Variants in DIAPH3 observed in about 807,000 individuals in gnomAD.
DIAPH3 encodes the protein protein diaphanous homolog 3.
Under a neutral mutation model 144.3 loss-of-function variants are expected in DIAPH3, and 117 were observed. That is an observed-to-expected ratio of 0.81 (90% CI 0.70 to 0.95). The LOEUF is 0.95. Among genes scored for constraint, DIAPH3 ranks in the 40% least tolerant of loss-of-function variants. DIAPH3 has a pLI of 0.00. For synonymous variants in DIAPH3, 519 were observed against 488.9 expected (o/e 1.06, Z -0.81); for missense variants, 1,421 against 1,412.7 (o/e 1.01, Z -0.09).
At chr13:59,976,489 A>G (rs925280642) in intron 14 of DIAPH3, among the ~76,000 whole-genome samples, 20 of 151,994 alleles carry the variant, frequency 1.3e-4, no homozygotes, top group Non-Finnish European at 2.6e-4. Flanking sequence ...TATAGATTAT[A>G]AAACATTTCC....
chr13:59,839,497 T>C, intron 22 of DIAPH3, 49 bp from the exon 23 acceptor site: 1 of 1,583,310 alleles, frequency 6.3e-7, no homozygotes, highest in Non-Finnish European at 8.6e-7. Context: ...TTATAATATA[T>C]AAAAGGTAAG....
At chr13:60,097,345 A>T (rs962376826) in intron 3 of DIAPH3, among the ~76,000 whole-genome samples, 9 of 152,108 alleles carry the variant, frequency 5.9e-5, no homozygotes, top group African/African-American at 1.2e-4. Flanking sequence ...GGGGCGATTG[A>T]GTTCTTGCCC....
At chr13:59,902,268 G>T (rs776093005) in intron 20 of DIAPH3, among the ~76,000 whole-genome samples, 1 of 152,064 alleles carries the variant, frequency 6.6e-6, no homozygotes, top group Non-Finnish European at 1.5e-5. Flanking sequence ...TCCCCCTTTG[G>T]TGCTGTTCTT....
intron 18 of DIAPH3, among the ~76,000 whole-genome samples, chr13:59,918,944 C>CAAAAAAAAAAAAAAA (rs34985752): frequency 8.5e-6 from 1 of 117,504 alleles, no homozygotes. Flanking sequence ...CAAGAAAATA[C>CAAAAAAAAAAAAAAA]AAAAAAAAAA....
At position 60,072,358 on chromosome 13, in the gene DIAPH3, T is replaced by C. The variant is rs967337392; in HGVS notation, c.495+21270A>G. On this transcript the variant is annotated intron_variant, in intron 4 of 27. Coordinates refer to ENST00000400324, the MANE Select transcript of DIAPH3 (RefSeq NM_001042517.2). ...ACCCACTTAACAGACATTTTCACTA[T>C]CACTCCATCTTTTCTCTCTTCTTGC... 3.9e-5 allele frequency among the ~76,000 whole-genome samples: 6 copies of C among 152,204 alleles called. No homozygotes were observed. The East Asian group carries it at 9.6e-4, about 24-fold the overall frequency.
intron 5 of DIAPH3, among the ~76,000 whole-genome samples, chr13:60,016,506 G>A (rs1216910886): frequency 6.6e-6 from 1 of 152,126 alleles, no homozygotes. Flanking sequence ...ACCCAGAGCT[G>A]GCTCTAAACA....
intron 4 of DIAPH3, among the ~76,000 whole-genome samples, chr13:60,060,320 G>C (rs1397274230): frequency 6.6e-6 from 1 of 152,026 alleles, no homozygotes; most frequent in Non-Finnish European, 1.5e-5. Flanking sequence ...ATCCATTATG[G>C]GAGTTTGGTC....
intron 4 of DIAPH3, among the ~76,000 whole-genome samples, chr13:60,073,176 G>A (rs2057272161): frequency 6.6e-6 from 1 of 152,036 alleles, no homozygotes; most frequent in Admixed American, 6.6e-5. Context: ...GGGCGTGGTG[G>A]CAGGTGCCTG....
chr13:59,958,566 A>G (rs1269766738), intron 17 of DIAPH3, among the ~76,000 whole-genome samples: 2 of 152,106 alleles, frequency 1.3e-5, no homozygotes, highest in Admixed American at 6.5e-5. Flanking sequence ...CTTTAGGTTT[A>G]TAGAAAGTAT....
chr13:59,703,265 A>T (rs2034219906), intron 27 of DIAPH3, among the ~76,000 whole-genome samples: 1 of 152,216 alleles, frequency 6.6e-6, no homozygotes, highest in Non-Finnish European at 1.5e-5. Flanking sequence ...TCTGATTAAA[A>T]TTTTCATATT....
rs548298260 is a variant in DIAPH3, at chr13:60,000,437, A to C, written c.1015-7854T>G. ...CCACAATAGGAAAAAAAAAAACCTA[A>C]AGCAAACAATGGCTATGTATTTCAA... On this transcript the variant is annotated intron_variant, in intron 9 of 27. Coordinates refer to ENST00000400324, the MANE Select transcript of DIAPH3 (RefSeq NM_001042517.2). Among the ~76,000 whole-genome samples, 206 of 152,228 alleles carry C rather than the reference A, an allele frequency of 1.4e-3. 1 individual carries two copies. The highest frequency in any genetic ancestry group is 4.3e-3 in the African/African-American group (178 of 41,560).
intron 5 of DIAPH3, among the ~76,000 whole-genome samples, chr13:60,021,609 A>C (rs533293499): frequency 6.7e-6 from 1 of 150,170 alleles, no homozygotes; most frequent in African/African-American, 2.5e-5. Context: ...CCAGACAACA[A>C]GTGCAAGATG....
chr13:60,022,065 T>C (rs1227233377), intron 5 of DIAPH3, among the ~76,000 whole-genome samples: 1 of 152,360 alleles, frequency 6.6e-6, no homozygotes, highest in African/African-American at 2.4e-5. Context: ...AGTACATTGC[T>C]AGTACATAGA....
intron 4 of DIAPH3, among the ~76,000 whole-genome samples, chr13:60,089,544 A>G (rs1311017099): frequency 1.3e-5 from 2 of 152,200 alleles, no homozygotes; most frequent in African/African-American, 4.8e-5. Context: ...GTTCTGGTCC[A>G]GAATTTTCTT....
intron 27 of DIAPH3, among the ~76,000 whole-genome samples, chr13:59,717,853 C>CA (rs201395786): frequency 0.036 from 5,332 of 147,184 alleles, 126 homozygotes; most frequent in Non-Finnish European, 0.044. Context: ...CCAAACCAAA[C>CA]AAAAAAAAAC....
intron 17 of DIAPH3, among the ~76,000 whole-genome samples, chr13:59,944,072 G>C (rs1182094569): frequency 5.3e-5 from 8 of 151,856 alleles, no homozygotes; most frequent in African/African-American, 1.7e-4. Context: ...AAATTAGCTG[G>C]GCATACTAAC....
At chr13:59,953,618 T>G (rs1282603131) in intron 17 of DIAPH3, among the ~76,000 whole-genome samples, 1 of 151,996 alleles carries the variant, frequency 6.6e-6, no homozygotes, top group East Asian at 1.9e-4. Flanking sequence ...GGCAATGAAA[T>G]GCAAAGCCAA....
chr13:60,075,891 C>A (rs566999047), intron 4 of DIAPH3, among the ~76,000 whole-genome samples: 5 of 152,340 alleles, frequency 3.3e-5, no homozygotes, highest in Middle Eastern at 3.4e-3. Context: ...CCGTATCTTC[C>A]ATGGAATGCA....
In DIAPH3 at chr13:59,974,562, C is replaced by A. The variant is rs956454269; in HGVS notation, c.1546-106G>T. On this transcript the variant is annotated intron_variant, in intron 14 of 27. Coordinates refer to ENST00000400324, the MANE Select transcript of DIAPH3 (RefSeq NM_001042517.2). ...ATGATCTGCCGGTAGAACACAAATT[C>A]CTGAATTGGTTTTATGAAAGGAGTG... is the stretch of plus-strand genomic sequence containing the variant. 8.1e-6 allele frequency: 8 copies of A among 988,482 alleles called. No individual in the cohort carries two copies. The African/African-American group carries it at 8.2e-5, about 10-fold the overall frequency. The allele number at this position is 988,482 out of a possible 1,614,324, so 61.2% of individuals were successfully genotyped here. A position where few individuals can be genotyped will look rare whatever the true frequency, so the allele number is the denominator to read the frequency against.
Sources: gnomAD v4.1 joint callset for allele counts (sites outside exome capture counted in the v4.1 genomes callset) on GRCh38, gnomAD v4.1.1 for gene constraint, MANE v1.5 for transcripts, NCBI Gene and HGNC (gene_info 2026-07-23, HGNC 2026-07-21) for gene names.